Variants in PRKCD observed in about 807,000 individuals in gnomAD.
The protein encoded by PRKCD is protein kinase C delta, also known as protein kinase C delta type.
PRKCD carries 20 observed loss-of-function variants against 82.2 expected under a neutral mutation model. That is an observed-to-expected ratio of 0.24 (90% CI 0.17 to 0.35). The LOEUF (loss-of-function observed/expected upper bound fraction) is 0.35, where lower values mean the gene tolerates loss of function less well. Ranked by LOEUF, PRKCD falls within the 10% of genes least tolerant of loss-of-function variation. The pLI is 1.00. For synonymous variants in PRKCD, 317 were observed against 337.0 expected, an observed-to-expected ratio of 0.94 and a Z score of 0.65; for missense variants, 607 against 899.0, an observed-to-expected ratio of 0.68 and a Z score of 4.15.
At chr3:53,166,191 G>A (rs1225651494) in intron 2 of PRKCD, among the ~76,000 whole-genome samples, 2 of 152,308 alleles carry the variant, frequency 1.3e-5, no homozygotes, top group Non-Finnish European at 2.9e-5. Flanking sequence ...GGAGGTCAGG[G>A]CCTTCACTCT....
intron 15 of PRKCD, among the ~76,000 whole-genome samples, chr3:53,187,747 C>T (rs782018865): frequency 5.9e-5 from 9 of 152,150 alleles, no homozygotes; most frequent in Non-Finnish European, 8.8e-5. Context: ...AGTTATGATT[C>T]CATCCTATGG....
chr3:53,162,994 C>T (rs1339990356), intron 1 of PRKCD, among the ~76,000 whole-genome samples: 2 of 151,940 alleles, frequency 1.3e-5, no homozygotes, highest in Admixed American at 6.6e-5. Flanking sequence ...CTGGGGTTTC[C>T]TCGTTCCTGC....
chr3:53,161,380 C>T lies in PRKCD; in HGVS notation c.-180C>T, dbSNP rs1702649674. 2 of 151,000 alleles carry T rather than the reference C, an allele frequency of 1.3e-5. No homozygotes were observed. The highest frequency in any genetic ancestry group is 1.5e-5 in the Non-Finnish European group (1 of 67,726). The allele number at this position is 151,000 out of a possible 1,614,324, so 9.4% of individuals were successfully genotyped here. On this transcript the variant is annotated 5_prime_UTR_variant, in exon 1 of 19. Coordinates refer to ENST00000330452, the MANE Select transcript of PRKCD (RefSeq NM_006254.4). ...CGTCCGCGCGCGCCGGGGAGCGGCG[C>T]CCCCGCCGCTGCCGCCGCGACCCTT...
chr3:53,179,820 CTGTGTG>C, intron 4 of PRKCD, 44 bp downstream of exon 4: 1 of 439,268 alleles, frequency 2.3e-6, no homozygotes, highest in Non-Finnish European at 3.5e-6. Context: ...GTGTGTGTGT[CTGTGTG>C]TGTGTGCATG....
At chr3:53,184,601 G>A (rs1292487246) in intron 9 of PRKCD, among the ~76,000 whole-genome samples, 2 of 151,750 alleles carry the variant, frequency 1.3e-5, no homozygotes, top group Admixed American at 1.3e-4. Context: ...CTTGAACCCA[G>A]GAGGCAGAGG....
chr3:53,181,113 T>G, intron 4 of PRKCD, 94 bp from the exon 5 acceptor site: 1 of 1,406,064 alleles, frequency 7.1e-7, no homozygotes, highest in Non-Finnish European at 9.8e-7. Flanking sequence ...TGCCTTGGCC[T>G]TGGGGGACCA....
intron 5 of PRKCD, 80 bp from the exon 6 acceptor site, chr3:53,181,364 C>T: frequency 1.2e-6 from 2 of 1,608,856 alleles, no homozygotes; most frequent in Non-Finnish European, 1.7e-6. Flanking sequence ...CAGAGCTGTC[C>T]AGGACCACCC....
intron 13 of PRKCD, 116 bp downstream of exon 13, chr3:53,186,456 T>TG (rs1703693933): frequency 7.3e-7 from 1 of 1,379,012 alleles, no homozygotes; most frequent in Non-Finnish European, 1.0e-6. Flanking sequence ...GGGCCATGCT[T>TG]TCCCCCCTCA....
At chr3:53,168,909 G>A (rs1702923176) in intron 2 of PRKCD, among the ~76,000 whole-genome samples, 1 of 151,606 alleles carries the variant, frequency 6.6e-6, no homozygotes, top group African/African-American at 2.4e-5. Flanking sequence ...GGGGCAATGG[G>A]AGGCACTGGG....
At chr3:53,175,331 T>C (rs1402086397) in intron 2 of PRKCD, among the ~76,000 whole-genome samples, 1 of 151,918 alleles carries the variant, frequency 6.6e-6, no homozygotes, top group Admixed American at 6.6e-5. Flanking sequence ...AGGTGCACAG[T>C]GAGGGATGGG....
chr3:53,183,221 G>A lies in PRKCD; in HGVS notation c.657+15G>A, dbSNP rs190144895. 196 of 1,612,982 alleles carry A rather than the reference G, an allele frequency of 1.2e-4. No individual in the cohort carries two copies. Among genetic ancestry groups the A allele is most frequent in the Non-Finnish European group, 1.5e-4 (173 of 1,179,288 alleles). ...GGGACACTATAGTGAGCCTGGGTCC[G>A]GGGCAGGGCTGGGGATCTGGGGGGC... is the stretch of plus-strand genomic sequence containing the variant. On this transcript the variant is annotated intron_variant, in intron 8 of 18. Transcript: ENST00000330452.
intron 15 of PRKCD, 117 bp downstream of exon 15, chr3:53,187,519 A>G (rs1258798669): frequency 7.5e-6 from 9 of 1,207,982 alleles, no homozygotes; most frequent in South Asian, 4.2e-5. Context: ...CTGGAAATCA[A>G]TCTTTAGCTG....
In PRKCD at chr3:53,178,455, C is replaced by T; in HGVS notation, c.33C>T (p.Ser11=). 1 of 1,612,978 alleles carries T rather than the reference C, an allele frequency of 6.2e-7. No individual in the cohort carries two copies. The highest frequency in any genetic ancestry group is 8.5e-7 in the Non-Finnish European group (1 of 1,179,874). Residue 11 remains serine, a synonymous_variant, in exon 3 of 19, where the codon TCC becomes TCT. Transcript: ENST00000330452. Reference sequence around the variant, plus strand: ...CGTTCCTGCGCATCGCCTTCAACTCCTATGAGCTGGGCTCCCTGCAGGCCG... The same window carrying T: ...CGTTCCTGCGCATCGCCTTCAACTCTTATGAGCTGGGCTCCCTGCAGGCCG... The part of the protein sequence containing the change: MAPFLRIAFN[S]YELGSLQAED...
chr3:53,178,068 C>G (rs1212512501), intron 2 of PRKCD, among the ~76,000 whole-genome samples: 3 of 151,618 alleles, frequency 2.0e-5, no homozygotes. Context: ...GCCTCAGCCT[C>G]CCGAGTAGCT....
intron 4 of PRKCD, among the ~76,000 whole-genome samples, chr3:53,180,331 A>G (rs1425717893): frequency 2.6e-5 from 4 of 152,206 alleles, no homozygotes; most frequent in Non-Finnish European, 5.9e-5. Flanking sequence ...TGAGGGGGCA[A>G]CATAGTGATC....
intron 10 of PRKCD, 147 bp from the exon 11 acceptor site, chr3:53,185,457 A>G (rs1411520834): frequency 5.9e-6 from 4 of 676,638 alleles, no homozygotes; most frequent in African/African-American, 5.4e-5. Context: ...GTGTGTGTAC[A>G]CGCAGCCCGA....
chr3:53,178,565 G>A (rs782570143), intron 3 of PRKCD, 28 bp downstream of exon 3: 12 of 1,587,200 alleles, frequency 7.6e-6, no homozygotes, highest in South Asian at 1.1e-5. Flanking sequence ...ACCCTGGAGA[G>A]GGGCTGGGAA....
At position 53,184,690 on chromosome 3, in the gene PRKCD, A is replaced by AAG. The variant is rs1158515006; in HGVS notation, c.788-166_788-165dup. ...AACTCCATCTCAAAAAAAAAAAAAA[A>AAG]AGAGAGAGAGAGAGAGAGATCGAAG... On this transcript the variant is annotated intron_variant, in intron 9 of 18. Transcript: ENST00000330452. Among the ~76,000 whole-genome samples the AAG allele has an allele frequency of 0.022, 3,308 of 148,692 alleles. 164 individuals carry two copies. Among genetic ancestry groups the AAG allele is most frequent in the African/African-American group, 0.078 (3,114 of 39,734 alleles).
At chr3:53,170,756 G>A (rs549214384) in intron 2 of PRKCD, among the ~76,000 whole-genome samples, 4 of 152,368 alleles carry the variant, frequency 2.6e-5, no homozygotes, top group African/African-American at 7.2e-5. Context: ...TCTAGTCAGG[G>A]ATGTGGGGTC....
Sources: allele counts gnomAD v4.1 joint callset (sites outside exome capture counted in the v4.1 genomes callset), GRCh38; gene constraint gnomAD v4.1.1; transcripts MANE v1.5; gene names NCBI Gene and HGNC (gene_info 2026-07-23, HGNC 2026-07-21).